Variants in FCER1A observed in about 807,000 individuals in gnomAD.
FCER1A encodes the protein Fc epsilon receptor Ia.
In FCER1A, 24 loss-of-function variants were observed where a neutral mutation model predicts 23.6. That is an observed-to-expected ratio of 1.02 (90% CI 0.74 to 1.43). The LOEUF (loss-of-function observed/expected upper bound fraction) is 1.43, where lower values mean the gene tolerates loss of function less well. Ranked by LOEUF, FCER1A falls within the 40% of genes most tolerant of loss-of-function variation. The pLI, the probability that FCER1A is intolerant of heterozygous loss-of-function variation, is 0.00. For synonymous variants in FCER1A, 121 were observed against 108.8 expected, an observed-to-expected ratio of 1.11 and a Z score of -0.70; for missense variants, 318 against 294.5, an observed-to-expected ratio of 1.08 and a Z score of -0.58.
chr1:159,304,275 AC>A, intron 3 of FCER1A, 93 bp downstream of exon 3: 2 of 1,272,874 alleles, frequency 1.6e-6, no homozygotes, highest in Non-Finnish European at 2.2e-6. Flanking sequence ...GGGTTAGGAC[AC>A]CAGAGTGGGA....
At chr1:159,295,063 A>T (rs1347049043) in intron 1 of FCER1A, among the ~76,000 whole-genome samples, 2 of 152,220 alleles carry the variant, frequency 1.3e-5, no homozygotes, top group African/African-American at 4.8e-5. Flanking sequence ...GTTGATTAGT[A>T]TAAATTCAAT....
chr1:159,301,459 G>T (rs1652426574), upstream of FCER1A, among the ~76,000 whole-genome samples: 1 of 152,136 alleles, frequency 6.6e-6, no homozygotes, highest in Non-Finnish European at 1.5e-5. Context: ...AATATTAAAA[G>T]TAAACAAAAG....
the FCER1A span, among the ~76,000 whole-genome samples, chr1:159,284,252 C>A: frequency 6.6e-6 from 1 of 152,144 alleles, no homozygotes; most frequent in African/African-American, 2.4e-5. Context: ...CCTACTTTTC[C>A]ATTTAGGGAG....
At chr1:159,293,824 A>C (rs1652223837) in intron 1 of FCER1A, among the ~76,000 whole-genome samples, 1 of 152,050 alleles carries the variant, frequency 6.6e-6, no homozygotes, top group Non-Finnish European at 1.5e-5. Context: ...CTCATCTGAC[A>C]AAGGGCTAAT....
chr1:159,306,131 CACA>C lies in FCER1A; in HGVS notation c.479_481del (p.Asn160del). 1 of 1,614,048 alleles carries C rather than the reference CACA, an allele frequency of 6.2e-7. No individual in the cohort carries two copies. The highest frequency in any genetic ancestry group is 8.5e-7 in the Non-Finnish European group (1 of 1,180,004). On this transcript the variant is annotated inframe_deletion, in exon 4 of 5. Transcript: ENST00000693622. ...AGCTCTCAAGTACTGGTATGAGAAC[CACA>C]ACATCTCCATTACAAATGCCACAGT...
chr1:159,298,407 A>G (rs1258067531), upstream of FCER1A, among the ~76,000 whole-genome samples: 1 of 152,144 alleles, frequency 6.6e-6, no homozygotes, highest in African/African-American at 2.4e-5. Flanking sequence ...AGTTCACATG[A>G]GAGCTGGTTG....
chr1:159,292,941 T>C (rs77688273), intron 1 of FCER1A, among the ~76,000 whole-genome samples: 25,024 of 151,760 alleles, frequency 0.16, 2,899 homozygotes, highest in East Asian at 0.53. Flanking sequence ...CATGTGAATC[T>C]CGGTGCCACC....
chr1:159,287,632 A>C (rs1340123498), upstream of FCER1A, among the ~76,000 whole-genome samples: 2 of 150,362 alleles, frequency 1.3e-5, no homozygotes, highest in Admixed American at 6.7e-5. Flanking sequence ...AAATATGTAC[A>C]TGTAGATAAA....
Sources: gnomAD v4.1 joint callset for allele counts (sites outside exome capture counted in the v4.1 genomes callset) on GRCh38, gnomAD v4.1.1 for gene constraint, MANE v1.5 for transcripts, NCBI Gene and HGNC (gene_info 2026-07-23, HGNC 2026-07-21) for gene names.